The following PARK7 variants were observed in gnomAD, a reference collection of about 807,000 sequenced individuals.
The protein encoded by PARK7 is Parkinson disease protein 7.
A neutral mutation model predicts 20.5 loss-of-function variants in PARK7; 14 were observed. That is an observed-to-expected ratio of 0.68 (90% CI 0.45 to 1.07). The LOEUF (loss-of-function observed/expected upper bound fraction) is 1.07. Among genes scored for constraint, PARK7 ranks in the 50% least tolerant of loss-of-function variants. The probability of loss-of-function intolerance (pLI) is 0.00; values close to 1 mark genes in which losing one functional copy is unlikely to be tolerated. For missense variants in PARK7, 234 were observed against 238.1 expected, an observed-to-expected ratio of 0.98 and a Z score of 0.11; for synonymous variants, 98 against 84.3, an observed-to-expected ratio of 1.16 and a Z score of -0.89.
intron 4 of PARK7, 29 bp downstream of exon 4, chr1:7,969,433 A>T: frequency 1.0e-6 from 1 of 960,494 alleles, no homozygotes; most frequent in Non-Finnish European, 1.6e-6. Context: ...TTATACCTCA[A>T]TAAAGCTGGG....
At position 7,965,394 on chromosome 1, in the gene PARK7, C is replaced by A. The variant is rs368405677; in HGVS notation, c.161C>A (p.Pro54His). Residue 54 changes from proline to histidine, a missense_variant, in exon 3 of 7, where the codon CCT (proline) becomes CAT (histidine). Coordinates refer to ENST00000338639, the MANE Select transcript of PARK7 (RefSeq NM_007262.5). ...VQCSRDVVIC[P>H]DASLEDAKKE... ...TGTAGCCGTGATGTGGTCATTTGTC[C>A]TGATGCCAGCCTTGAAGATGCAAAA... 4.3e-6 allele frequency: 7 copies of A among 1,614,088 alleles called. No individual in the cohort carries two copies. In the African/African-American group the frequency reaches 9.3e-5, roughly 22 times the overall value.
intron 2 of PARK7, among the ~76,000 whole-genome samples, chr1:7,964,342 AT>A (rs1440375742): frequency 1.3e-5 from 2 of 152,226 alleles, no homozygotes; most frequent in African/African-American, 4.8e-5. Flanking sequence ...ATGTACCCAC[AT>A]CACGTAGTAA....
chr1:7,964,332 A>G (rs1358798778), intron 2 of PARK7, among the ~76,000 whole-genome samples: 1 of 152,160 alleles, frequency 6.6e-6, no homozygotes. Flanking sequence ...GACATAAATA[A>G]TGTACCCACA....
intron 3 of PARK7, chr1:7,969,110 C>A: frequency 2.0e-6 from 1 of 491,528 alleles, no homozygotes; most frequent in Non-Finnish European, 3.7e-6. Context: ...ACCCCTGCTA[C>A]TCTGCAGCGT....
intron 4 of PARK7, among the ~76,000 whole-genome samples, chr1:7,969,848 A>G (rs373951717): frequency 0.013 from 1,995 of 152,096 alleles, 28 homozygotes; most frequent in Non-Finnish European, 0.018. Context: ...AAAGTGCTGG[A>G]ATTATAGGCG....
chr1:7,973,259 C>T (rs58741883), intron 5 of PARK7, among the ~76,000 whole-genome samples: 9,176 of 152,266 alleles, frequency 0.06, 918 homozygotes, highest in African/African-American at 0.21. Flanking sequence ...AGGTAATTAT[C>T]TCTGCCAAAG....
At position 7,977,634 on chromosome 1, in the gene PARK7, T is replaced by G; in HGVS notation, c.323-18T>G. On this transcript the variant is annotated intron_variant, in intron 5 of 6. Coordinates refer to ENST00000338639, the MANE Select transcript of PARK7 (RefSeq NM_007262.5). ...CTTTTCTATATCTGCACTTAGATCT[T>G]TTTATTTTTATTCTTAGGTCCTACT... is the stretch of plus-strand genomic sequence containing the variant. 3.1e-6 allele frequency: 5 copies of G among 1,608,650 alleles called. No homozygotes were observed. Among genetic ancestry groups the G allele is most frequent in the Non-Finnish European group, 4.3e-6 (5 of 1,175,480 alleles).
intron 6 of PARK7, among the ~76,000 whole-genome samples, chr1:7,980,178 T>A (rs947653654): frequency 2.3e-5 from 3 of 128,186 alleles, no homozygotes; most frequent in Non-Finnish European, 3.4e-5. Context: ...AAAAAAAAAA[T>A]TGGTACTTTT....
chr1:7,969,569 T>A (rs777912762), intron 4 of PARK7, among the ~76,000 whole-genome samples, 165 bp downstream of exon 4: 1 of 151,358 alleles, frequency 6.6e-6, no homozygotes, highest in Non-Finnish European at 1.5e-5. Context: ...AATGGTGTTA[T>A]AGCATTAACT....
intron 5 of PARK7, chr1:7,971,231 T>A: frequency 2.0e-6 from 1 of 496,150 alleles, no homozygotes; most frequent in Non-Finnish European, 3.7e-6. Context: ...TAAGGCCCTC[T>A]GGAATTCAGT....
At chr1:7,976,468 A>C (rs778366016) in intron 5 of PARK7, among the ~76,000 whole-genome samples, 38 of 152,208 alleles carry the variant, frequency 2.5e-4, no homozygotes, top group Non-Finnish European at 4.7e-4. Context: ...GGCCGTTTTC[A>C]GTGAATACAT....
chr1:7,974,448 T>G (rs1640531977), intron 5 of PARK7, among the ~76,000 whole-genome samples: 1 of 151,698 alleles, frequency 6.6e-6, no homozygotes, highest in Admixed American at 6.6e-5. Flanking sequence ...GCTAACACGG[T>G]GAAACCCTGT....
intron 5 of PARK7, 149 bp downstream of exon 5, chr1:7,971,112 T>C (rs1640457310): frequency 2.4e-6 from 2 of 832,850 alleles, no homozygotes; most frequent in Non-Finnish European, 4.0e-6. Context: ...ATGAAGTTGG[T>C]GTCATTTCAG....
chr1:7,974,379 C>T (rs1351420884), intron 5 of PARK7, among the ~76,000 whole-genome samples: 1 of 151,862 alleles, frequency 6.6e-6, no homozygotes, highest in African/African-American at 2.4e-5. Flanking sequence ...CCTGTAATCC[C>T]AGCACTTTGG....
chr1:7,981,687 C>T (rs1333640019), intron 6 of PARK7, among the ~76,000 whole-genome samples: 1 of 138,994 alleles, frequency 7.2e-6, no homozygotes, highest in Non-Finnish European at 1.5e-5. Flanking sequence ...GAGACAGAGT[C>T]TCTCTCTGTC....
intron 5 of PARK7, among the ~76,000 whole-genome samples, chr1:7,977,382 A>G (rs1640605972): frequency 6.6e-6 from 1 of 152,182 alleles, no homozygotes; most frequent in African/African-American, 2.4e-5. Flanking sequence ...TCATACTAGG[A>G]AGTGTTTCAT....
At chr1:7,980,330 C>A (rs1015288144) in intron 6 of PARK7, among the ~76,000 whole-genome samples, 4 of 152,090 alleles carry the variant, frequency 2.6e-5, no homozygotes, top group Non-Finnish European at 4.4e-5. Context: ...GGAAGACAAG[C>A]GGAGCGCGCT....
rs1640306399 is a variant in PARK7, at chr1:7,965,503, C to T, written c.192+78C>T. ...AAATGTCTTAAGAGTGTTGTTAGCA[C>T]AGACTCATTTTAGAAAATTATTTTG... On this transcript the variant is annotated intron_variant, in intron 3 of 6. Coordinates refer to ENST00000338639, the MANE Select transcript of PARK7 (RefSeq NM_007262.5). 3.1e-6 allele frequency: 4 copies of T among 1,311,280 alleles called. No individual in the cohort carries two copies. In the Admixed American group the frequency reaches 6.9e-5, roughly 23 times the overall value. 81.2% of individuals were successfully genotyped at this position (1,311,280 alleles called of 1,614,324 possible).
chr1:7,962,585 A>C (rs992570858), intron 1 of PARK7, among the ~76,000 whole-genome samples, 178 bp from the exon 2 acceptor site: 1 of 152,186 alleles, frequency 6.6e-6, no homozygotes, highest in Non-Finnish European at 1.5e-5. Context: ...TAAAACTGCT[A>C]TACAAATCAA....
Sources: allele counts gnomAD v4.1 joint callset (sites outside exome capture counted in the v4.1 genomes callset), GRCh38; gene constraint gnomAD v4.1.1; transcripts MANE v1.5; gene names NCBI Gene and HGNC (gene_info 2026-07-23, HGNC 2026-07-21).